Variants in KLKB1 observed in about 807,000 individuals in gnomAD.
The protein encoded by KLKB1 is plasma kallikrein.
In KLKB1, 58 loss-of-function variants were observed where a neutral mutation model predicts 73.6. That is an observed-to-expected ratio of 0.79 (90% CI 0.64 to 0.98). The LOEUF is 0.98. KLKB1 is among the 50% of genes least tolerant of loss of function. The probability of loss-of-function intolerance (pLI) is 0.00; values close to 1 mark genes in which losing one functional copy is unlikely to be tolerated. For missense variants in KLKB1, 737 were observed against 763.8 expected (o/e 0.96, Z 0.41); for synonymous variants, 280 against 258.1 (o/e 1.08, Z -0.81).
upstream of KLKB1, among the ~76,000 whole-genome samples, chr4:186,226,850 G>T (rs1737185160): frequency 6.6e-6 from 1 of 152,298 alleles, no homozygotes; most frequent in African/African-American, 2.4e-5. Flanking sequence ...GGTTGCTGGG[G>T]CTAACGTGGA....
In KLKB1 at chr4:186,251,582, T is replaced by C; in HGVS notation, c.964T>C (p.Cys322Arg). The C allele has an allele frequency of 5.6e-6, 9 of 1,614,120 alleles. No homozygotes were observed. Among genetic ancestry groups the C allele is most frequent in the Non-Finnish European group, 7.6e-6 (9 of 1,179,948 alleles). ...VKGVNVCQET[C>R]TKMIRCQFFT... ...AGGAGTGAATGTTTGCCAAGAGACTTGCACAAAGATGATTCGCTGTCAGTT... is the reference window on the plus strand; with the variant it reads ...AGGAGTGAATGTTTGCCAAGAGACTCGCACAAAGATGATTCGCTGTCAGTT... The change falls in exon 9 of 15, where the codon TGC becomes CGC. Residue 322 changes from cysteine to arginine, a missense_variant. Cys to Arg is a radical substitution (Grantham distance 180). Coordinates refer to ENST00000264690, the MANE Select transcript of KLKB1 (RefSeq NM_000892.5).
At chr4:186,217,412 TC>T (rs1736931788) in intron 2 of KLKB1, among the ~76,000 whole-genome samples, 1 of 152,302 alleles carries the variant, frequency 6.6e-6, no homozygotes, top group East Asian at 1.9e-4. Context: ...CCACTTGATA[TC>T]CTAAAAGACA....
chr4:186,213,408 A>G (rs996952575), intron 2 of KLKB1: 2 of 152,272 alleles, frequency 1.3e-5, no homozygotes, highest in African/African-American at 2.4e-5. Context: ...TAAAAGATAA[A>G]TCAGGAGATG....
chr4:186,223,684 T>C (rs1287220323), upstream of KLKB1, among the ~76,000 whole-genome samples: 1 of 152,158 alleles, frequency 6.6e-6, no homozygotes, highest in African/African-American at 2.4e-5. Flanking sequence ...CACAAAGAGA[T>C]GGTATGAAAT....
At chr4:186,248,595 A>ATTTTTTTTTTTTTTTTTTTT (rs138717531) in intron 6 of KLKB1, among the ~76,000 whole-genome samples, 6 of 114,918 alleles carry the variant, frequency 5.2e-5, no homozygotes, top group African/African-American at 2.1e-4. Flanking sequence ...TTGTTTCTGG[A>ATTTTTTTTTTTTTTTTTTTT]TTTTTTTTTT....
At chr4:186,245,869 T>C (rs965987067) in intron 6 of KLKB1, among the ~76,000 whole-genome samples, 3 of 144,316 alleles carry the variant, frequency 2.1e-5, no homozygotes, top group Admixed American at 1.4e-4. Context: ...ATAAAATGCA[T>C]ATTGAGAATA....
chr4:186,257,884 C>G, intron 14 of KLKB1, 137 bp from the exon 15 acceptor site: 1 of 831,590 alleles, frequency 1.2e-6, no homozygotes, highest in South Asian at 1.5e-5. Context: ...GTGATGAAAC[C>G]CATCTCTACA....
intron 6 of KLKB1, among the ~76,000 whole-genome samples, chr4:186,241,001 T>G (rs1342969427): frequency 2.0e-5 from 3 of 152,150 alleles, no homozygotes; most frequent in Non-Finnish European, 4.4e-5. Context: ...TGTACTTGCT[T>G]TCTTGTTAAA....
intron 11 of KLKB1, among the ~76,000 whole-genome samples, chr4:186,253,391 C>T (rs1293044822): frequency 1.3e-5 from 2 of 152,168 alleles, no homozygotes; most frequent in Admixed American, 1.3e-4. Context: ...CAAGACCCCT[C>T]CACCTTGTCA....
At chr4:186,236,686 T>G in intron 4 of KLKB1, 95 bp from the exon 5 acceptor site, 1 of 1,258,210 alleles carries the variant, frequency 7.9e-7, no homozygotes, top group Non-Finnish European at 1.2e-6. Context: ...TGGGCTATTA[T>G]CATTCTAAAC....
Position 186,242,238 on chromosome 4 carries a change from G to A in KLKB1, c.598+3873G>A, listed in dbSNP as rs540213822. ...AACGTCATCAGTTAAGGCAGGAACC[G>A]GCCATTTTCACTTCTTTTGTCTTTC... On this transcript the variant is annotated intron_variant, in intron 6 of 14. Transcript: ENST00000264690. 3.8e-3 allele frequency among the ~76,000 whole-genome samples: 575 copies of A among 152,218 alleles called. 6 individuals are homozygous for A. Among genetic ancestry groups the A allele is most frequent in the African/African-American group, 0.013 (546 of 41,518 alleles).
chr4:186,225,749 T>A (rs1737149012), upstream of KLKB1, among the ~76,000 whole-genome samples: 1 of 152,136 alleles, frequency 6.6e-6, no homozygotes, highest in South Asian at 2.1e-4. Flanking sequence ...TCTCTTTATA[T>A]TTAATCTATT....
intron 4 of KLKB1, among the ~76,000 whole-genome samples, chr4:186,235,650 A>C (rs183725270): frequency 1.2e-3 from 187 of 152,188 alleles, no homozygotes; most frequent in African/African-American, 4.3e-3. Context: ...CCCACCCTTA[A>C]ATTTAGTTTT....
intron 6 of KLKB1, among the ~76,000 whole-genome samples, chr4:186,244,224 C>T (rs1010628643): frequency 1.3e-5 from 2 of 151,966 alleles, no homozygotes; most frequent in Non-Finnish European, 1.5e-5. Flanking sequence ...TCTTTGGGGT[C>T]AGCTAGCTTT....
At chr4:186,252,266 A>C in intron 11 of KLKB1, 81 bp downstream of exon 11, 1 of 1,406,606 alleles carries the variant, frequency 7.1e-7, no homozygotes, top group Non-Finnish European at 1.0e-6. Flanking sequence ...CTTCACCGCC[A>C]TGTGACTTTA....
At position 186,258,092 on chromosome 4, in the gene KLKB1, T is replaced by C. The variant is rs1739116010; in HGVS notation, c.1797T>C (p.Gly599=). Residue 599 remains glycine, a synonymous_variant, in exon 15 of 15, where the codon GGT becomes GGC. Transcript: ENST00000264690. ...GTTTGGTGGGCATCACCAGCTGGGG[T>C]GAAGGCTGTGCCCGCAGGGAGCAAC... is the stretch of plus-strand genomic sequence containing the variant. ...MWRLVGITSW[G]EGCARREQPG... 3.1e-6 allele frequency: 5 copies of C among 1,613,916 alleles called. No homozygotes were observed. Among genetic ancestry groups the C allele is most frequent in the African/African-American group, 1.3e-5 (1 of 74,876 alleles).
intron 6 of KLKB1, among the ~76,000 whole-genome samples, chr4:186,244,908 G>A (rs1414619942): frequency 6.6e-6 from 1 of 152,116 alleles, no homozygotes. Flanking sequence ...ATGGTAAGGG[G>A]TGCACGATAG....
intron 7 of KLKB1, 121 bp downstream of exon 7, chr4:186,250,523 C>G (rs1413681899): frequency 2.7e-6 from 3 of 1,112,640 alleles, no homozygotes; most frequent in East Asian, 4.7e-5. Context: ...CCTCAAAACA[C>G]TTGAACCTGC....
At chr4:186,247,261 TG>T (rs1440244354) in intron 6 of KLKB1, among the ~76,000 whole-genome samples, 1 of 152,258 alleles carries the variant, frequency 6.6e-6, no homozygotes, top group East Asian at 1.9e-4. Context: ...AGGCTTTGTG[TG>T]AGCAAGAAAG....
Sources: allele counts gnomAD v4.1 joint callset (sites outside exome capture counted in the v4.1 genomes callset), GRCh38; gene constraint gnomAD v4.1.1; transcripts MANE v1.5; gene names NCBI Gene and HGNC (gene_info 2026-07-23, HGNC 2026-07-21).